The following NKAP variants were observed in gnomAD, a reference collection of about 807,000 sequenced individuals.
NKAP encodes NF-kappa-B-activating protein.
NKAP carries 4 observed loss-of-function variants against 35.6 expected under a neutral mutation model. The ratio of observed to expected loss-of-function variants is 0.11; its 90% CI spans 0.06 to 0.26. The LOEUF is 0.26. Among genes scored for constraint, NKAP ranks in the 10% least tolerant of loss-of-function variants. The probability of loss-of-function intolerance (pLI) is 1.00; values close to 1 mark genes in which losing one functional copy is unlikely to be tolerated. For synonymous variants in NKAP, 106 were observed against 119.2 expected, an observed-to-expected ratio of 0.89 and a Z score of 0.72; for missense variants, 238 against 321.9, an observed-to-expected ratio of 0.74 and a Z score of 1.99.
Position 119,932,110 on chromosome X carries a change from T to C in NKAP, c.844A>G (p.Thr282Ala), listed in dbSNP as rs918415852. ...EFLENPWKDR[T>A]KAEEPSDLIG... ...TTAGTCTATCAGAAGAACCTACTTG[T>C]TCGATCCTTCCAGGGATTTTCCAGA... The change falls in exon 6 of 9, where the codon ACA becomes GCA. Residue 282 changes from threonine to alanine, a missense_variant. Transcript: ENST00000371410. 8.3e-7 allele frequency: 1 copy of C among 1,202,728 alleles called. No individual in the cohort carries two copies. The highest frequency in any genetic ancestry group is 1.1e-6 in the Non-Finnish European group (1 of 889,471).
At chrX:119,932,976 C>T (rs1427291508) in intron 5 of NKAP, among the ~76,000 whole-genome samples, 6 of 94,091 alleles carry the variant, frequency 6.4e-5, no homozygotes, top group Admixed American at 1.1e-4. Context: ...GGGTGAGACA[C>T]GGTCTCAAAA....
rs1452777862 is a variant in NKAP, at chrX:119,921,399, G to T, written c.*3821C>A. The T allele has an allele frequency of 9.1e-6, 1 of 109,302 alleles. No individual in the cohort carries two copies. The highest frequency in any genetic ancestry group is 1.9e-5 in the Non-Finnish European group (1 of 52,609). The allele number at this position is 109,302 out of a possible 1,213,427, so 9.0% of individuals were successfully genotyped here. A position where few individuals can be genotyped will look rare whatever the true frequency, so the allele number is the denominator to read the frequency against. On this transcript the variant is annotated 3_prime_UTR_variant, in exon 9 of 9. Coordinates refer to ENST00000371410, the MANE Select transcript of NKAP (RefSeq NM_024528.4). ...TACATAGAAAAGCACTGGAAAGGAG[G>T]AACACAAAATATGAAAGACAATTGA...
At chrX:119,930,966 C>T (rs2056738023) in intron 7 of NKAP, among the ~76,000 whole-genome samples, 1 of 110,773 alleles carries the variant, frequency 9.0e-6, no homozygotes, top group Non-Finnish European at 1.9e-5. Context: ...CATGGCGAAA[C>T]CCCAGCTCTA....
chrX:119,931,494 A>AG (rs2056741150), intron 7 of NKAP, among the ~76,000 whole-genome samples: 1 of 111,540 alleles, frequency 9.0e-6, no homozygotes, highest in African/African-American at 3.3e-5. Context: ...CAACAGAGCG[A>AG]GACTCCGTCT....
chrX:119,926,403 A>C (rs1378857745), intron 8 of NKAP, among the ~76,000 whole-genome samples: 3 of 109,736 alleles, frequency 2.7e-5, no homozygotes, highest in Non-Finnish European at 5.7e-5. Context: ...AGTAGCCGGG[A>C]GTACAGGTGT....
Position 119,923,155 on chromosome X carries a change from G to C in NKAP, c.*2065C>G, listed in dbSNP as rs1327364885. 1 of 109,466 alleles carries C rather than the reference G, an allele frequency of 9.1e-6. No homozygotes were observed. Among genetic ancestry groups the C allele is most frequent in the African/African-American group, 3.3e-5 (1 of 29,998 alleles). The allele number at this position is 109,466 out of a possible 1,213,427, so 9.0% of individuals were successfully genotyped here. A position where few individuals can be genotyped will look rare whatever the true frequency, so the allele number is the denominator to read the frequency against. Reference sequence around the variant, plus strand: ...GAACCCAGGAGGCAGAGGTTACAGTGAGCCGAGATCACACCACTGGGCTCC... The same window carrying C: ...GAACCCAGGAGGCAGAGGTTACAGTCAGCCGAGATCACACCACTGGGCTCC... On this transcript the variant is annotated 3_prime_UTR_variant, in exon 9 of 9. Coordinates refer to ENST00000371410, the MANE Select transcript of NKAP (RefSeq NM_024528.4).
intron 8 of NKAP, among the ~76,000 whole-genome samples, chrX:119,928,075 G>A (rs183113559): frequency 1.9e-3 from 214 of 112,237 alleles, no homozygotes; most frequent in African/African-American, 6.8e-3. Flanking sequence ...CAACTGTGTT[G>A]TGATTTTGAT....
rs1308707280 is a variant in NKAP at position 119,924,949 on chromosome X, G to A, written c.*271C>T. The A allele has an allele frequency of 6.9e-6, 2 of 289,223 alleles. No homozygotes were observed. The highest frequency in any genetic ancestry group is 2.8e-5 in the African/African-American group (1 of 36,020). The allele number at this position is 289,223 out of a possible 1,213,427, so 23.8% of individuals were successfully genotyped here. On this transcript the variant is annotated 3_prime_UTR_variant, in exon 9 of 9. Coordinates refer to ENST00000371410, the MANE Select transcript of NKAP (RefSeq NM_024528.4). ...GATCCACCCGCCTCAGCCTCCCAAA[G>A]TGCTGGGATTACAGGCGTGAGCAAC...
At chrX:119,938,444 G>GA (rs60457192) in intron 2 of NKAP, among the ~76,000 whole-genome samples, 14,926 of 110,766 alleles carry the variant, frequency 0.13, 1,404 homozygotes, top group African/African-American at 0.33. Flanking sequence ...GTTTAGTTGA[G>GA]AAAAAATAAT....
chrX:119,940,650 G>C (rs780303686), intron 1 of NKAP, among the ~76,000 whole-genome samples: 1 of 112,305 alleles, frequency 8.9e-6, no homozygotes, highest in African/African-American at 3.2e-5. Context: ...ATTGCAATGA[G>C]TTTTTGTATA....
At chrX:119,940,295 C>T (rs1197354574) in intron 1 of NKAP, among the ~76,000 whole-genome samples, 1 of 104,769 alleles carries the variant, frequency 9.5e-6, no homozygotes, top group Non-Finnish European at 1.9e-5. Context: ...GCCAAGGTCA[C>T]GCCACTGCAC....
intron 8 of NKAP, among the ~76,000 whole-genome samples, 171 bp from the exon 9 acceptor site, chrX:119,925,565 T>TTTTTG (rs970707288): frequency 4.5e-5 from 5 of 111,202 alleles, no homozygotes; most frequent in Non-Finnish European, 7.5e-5. Context: ...ACGTCCTTTT[T>TTTTTG]TTTTGTTTTG....
intron 4 of NKAP, 91 bp from the exon 5 acceptor site, chrX:119,934,648 C>A: frequency 1.8e-6 from 1 of 564,255 alleles, no homozygotes; most frequent in Admixed American, 4.0e-5. Context: ...TATTGCTGTC[C>A]CATTTATTGT....
intron 5 of NKAP, 110 bp downstream of exon 5, chrX:119,934,384 C>T (rs1186467614): frequency 4.6e-6 from 2 of 433,266 alleles, no homozygotes; most frequent in African/African-American, 3.6e-5. Context: ...AGTTAGCTGA[C>T]ATCGAACCAC....
chrX:119,925,703 A>C (rs2056707382), intron 8 of NKAP, among the ~76,000 whole-genome samples: 2 of 109,033 alleles, frequency 1.8e-5, no homozygotes, highest in Non-Finnish European at 3.8e-5. Context: ...CTGAGATAAC[A>C]GGTCTGGCTA....
Position 119,932,152 on chromosome X carries a change from C to T in NKAP, c.802G>A (p.Glu268Lys). Residue 268 changes from glutamate (E) to lysine (K), a missense_variant, in exon 6 of 9, where the codon GAA becomes AAA. Physicochemically the swap from Glu to Lys is moderately conservative, Grantham distance 56. Coordinates refer to ENST00000371410, the MANE Select transcript of NKAP (RefSeq NM_024528.4). ...TTTTCCAGAAACTCTTCTTGGGATT[C>T]TTTAGAGCTTGAATCACTGGACTCT... ...RKESSDSSSK[E>K]SQEEFLENPW... The T allele has an allele frequency of 8.3e-7, 1 of 1,210,219 alleles. No homozygotes were observed. The highest frequency in any genetic ancestry group is 1.1e-6 in the Non-Finnish European group (1 of 894,582).
chrX:119,928,610 C>T (rs1459577940), intron 8 of NKAP, among the ~76,000 whole-genome samples: 1 of 111,930 alleles, frequency 8.9e-6, no homozygotes, highest in Non-Finnish European at 1.9e-5. Flanking sequence ...GTCACCCAGG[C>T]TGGAGTGCAA....
At position 119,921,802 on chromosome X, in the gene NKAP, C is replaced by T. The variant is rs769301066; in HGVS notation, c.*3418G>A. 2.0e-4 allele frequency: 22 copies of T among 110,741 alleles called. No individual in the cohort carries two copies. The highest frequency in any genetic ancestry group is 9.8e-5 in the Admixed American group (1 of 10,199). The allele number at this position is 110,741 out of a possible 1,213,427, so 9.1% of individuals were successfully genotyped here. Reference sequence around the variant, plus strand: ...AAGATAATCATTTCATCTCTAGGAACCAGTAACCAAAAAAAAAATGTCCTT... The same window carrying T: ...AAGATAATCATTTCATCTCTAGGAATCAGTAACCAAAAAAAAAATGTCCTT... On this transcript the variant is annotated 3_prime_UTR_variant, in exon 9 of 9. Coordinates refer to ENST00000371410, the MANE Select transcript of NKAP (RefSeq NM_024528.4).
In NKAP at chrX:119,943,408, G is replaced by A. The variant is rs777042567; in HGVS notation, c.198C>T (p.Gly66=). ...LTHQLGGLSQ[G]SRNQSYRSRS... Reference sequence around the variant, plus strand: ...GTGAGCGGTAGGACTGGTTTCGGGAGCCTTGGCTGAGGCCACCCAGCTGAT... The same window carrying A: ...GTGAGCGGTAGGACTGGTTTCGGGAACCTTGGCTGAGGCCACCCAGCTGAT... The change falls in exon 1 of 9, where the codon GGC becomes GGT. Residue 66 remains glycine (G), a synonymous_variant. Transcript: ENST00000371410. 8.3e-7 allele frequency: 1 copy of A among 1,210,628 alleles called. No individual in the cohort carries two copies. Among genetic ancestry groups the A allele is most frequent in the South Asian group, 1.8e-5 (1 of 56,856 alleles).
Sources: allele counts gnomAD v4.1 joint callset (sites outside exome capture counted in the v4.1 genomes callset), GRCh38; gene constraint gnomAD v4.1.1; transcripts MANE v1.5; gene names NCBI Gene and HGNC (gene_info 2026-07-23, HGNC 2026-07-21).